DCLK2: variants seen among roughly 807,000 people sequenced by gnomAD.
DCLK2 encodes the protein doublecortin like kinase 2.
Under a neutral mutation model 78.4 loss-of-function variants are expected in DCLK2, and 31 were observed. The ratio of observed to expected loss-of-function variants is 0.40; its 90% CI spans 0.30 to 0.53. DCLK2 has a LOEUF of 0.53. DCLK2 is among the 20% of genes least tolerant of loss of function. DCLK2 has a pLI of 0.61. For synonymous variants in DCLK2, 407 were observed against 374.9 expected (o/e 1.09, Z -0.99); for missense variants, 872 against 973.7 (o/e 0.90, Z 1.39).
intron 5 of DCLK2, among the ~76,000 whole-genome samples, chr4:150,216,593 TG>T (rs1412231069): frequency 6.6e-6 from 1 of 152,112 alleles, no homozygotes; most frequent in African/African-American, 2.4e-5. Context: ...GAGCCGAGAT[TG>T]TGCCGCTACA....
intron 2 of DCLK2, among the ~76,000 whole-genome samples, chr4:150,108,959 G>A (rs571295582): frequency 2.0e-5 from 3 of 152,190 alleles, no homozygotes; most frequent in Middle Eastern, 3.4e-3. Flanking sequence ...CACATGCAGC[G>A]GGTCCTCTTT....
chr4:150,104,527 A>AG (rs1479423721), intron 2 of DCLK2, among the ~76,000 whole-genome samples: 1 of 151,918 alleles, frequency 6.6e-6, no homozygotes, highest in Non-Finnish European at 1.5e-5. Context: ...AGATGTAAAA[A>AG]TGTTAACTAA....
intron 15 of DCLK2, chr4:150,253,606 C>T (rs1744344400): frequency 7.8e-7 from 1 of 1,287,120 alleles, no homozygotes; most frequent in Admixed American, 2.3e-5. Context: ...CAGCCCCTCT[C>T]ACGCCTGCAT....
intron 5 of DCLK2, chr4:150,209,811 C>G (rs753167034): frequency 1.3e-5 from 2 of 152,454 alleles, no homozygotes; most frequent in Non-Finnish European, 2.9e-5. Flanking sequence ...TGCGGTGGCT[C>G]ATGCCTGTGA....
intron 2 of DCLK2, among the ~76,000 whole-genome samples, chr4:150,175,951 C>G (rs1161039694): frequency 2.6e-5 from 4 of 152,232 alleles, no homozygotes; most frequent in Non-Finnish European, 4.4e-5. Flanking sequence ...TCCCATTTAT[C>G]TTTGCCTGTG....
At chr4:150,162,335 T>C (rs1376784552) in intron 2 of DCLK2, among the ~76,000 whole-genome samples, 1 of 152,126 alleles carries the variant, frequency 6.6e-6, no homozygotes, top group Non-Finnish European at 1.5e-5. Flanking sequence ...TCCAGCCTGA[T>C]TTATTTTTAA....
At chr4:150,127,776 G>A (rs368888989) in intron 2 of DCLK2, among the ~76,000 whole-genome samples, 5 of 152,230 alleles carry the variant, frequency 3.3e-5, no homozygotes, top group Non-Finnish European at 5.9e-5. Context: ...CTCTTTCAGC[G>A]TGTTTGGCAT....
chr4:150,085,510 G>T (rs1580468913), intron 1 of DCLK2, among the ~76,000 whole-genome samples: 1 of 152,066 alleles, frequency 6.6e-6, no homozygotes, highest in South Asian at 2.1e-4. Context: ...ATTCTTGAGG[G>T]TGGTGCCCTC....
At chr4:150,099,323 G>T (rs62339911) in intron 1 of DCLK2, among the ~76,000 whole-genome samples, 58,126 of 151,758 alleles carry the variant, frequency 0.38, 11,345 homozygotes, top group Non-Finnish European at 0.42. Context: ...CCTCCCAAAG[G>T]GCTGGGATTA....
At chr4:150,094,606 AC>A (rs1321773238) in intron 1 of DCLK2, among the ~76,000 whole-genome samples, 1 of 152,210 alleles carries the variant, frequency 6.6e-6, no homozygotes, top group Non-Finnish European at 1.5e-5. Flanking sequence ...CAGGAGCCTG[AC>A]CCTGAGCCTC....
chr4:150,185,924 C>T (rs114215153), intron 2 of DCLK2, among the ~76,000 whole-genome samples: 4,478 of 152,196 alleles, frequency 0.029, 104 homozygotes, highest in Non-Finnish European at 0.043. Flanking sequence ...AAGTCGCCCT[C>T]ATTCATTTGG....
chr4:150,251,583 C>A (rs1364610360), intron 15 of DCLK2, among the ~76,000 whole-genome samples: 2 of 23,848 alleles, frequency 8.4e-5, no homozygotes, highest in Non-Finnish European at 1.6e-4. Context: ...CCACATAGCC[C>A]ACACAGCCTA....
chr4:150,214,990 A>G (rs1443916240), intron 5 of DCLK2, among the ~76,000 whole-genome samples: 1 of 151,400 alleles, frequency 6.6e-6, no homozygotes, highest in African/African-American at 2.4e-5. Context: ...AATGTTTCTG[A>G]CTTGACACTT....
At chr4:150,174,606 G>A (rs1479879034) in intron 2 of DCLK2, among the ~76,000 whole-genome samples, 3 of 151,836 alleles carry the variant, frequency 2.0e-5, no homozygotes, top group Non-Finnish European at 4.4e-5. Flanking sequence ...GGCGGATCAC[G>A]AGGTCAGGAG....
At chr4:150,138,674 T>TTCTC (rs78658812) in intron 2 of DCLK2, among the ~76,000 whole-genome samples, 81,450 of 151,564 alleles carry the variant, frequency 0.54, 22,353 homozygotes, top group South Asian at 0.7. Flanking sequence ...GGGACTCTTA[T>TTCTC]TCTTTTTTTT....
At chr4:150,117,287 C>T (rs1219772370) in intron 2 of DCLK2, among the ~76,000 whole-genome samples, 2 of 152,158 alleles carry the variant, frequency 1.3e-5, no homozygotes, top group South Asian at 2.1e-4. Context: ...GCAGGTCTCT[C>T]GTAGGCAGTG....
At chr4:150,148,018 A>G (rs1734606303) in intron 2 of DCLK2, among the ~76,000 whole-genome samples, 1 of 152,208 alleles carries the variant, frequency 6.6e-6, no homozygotes, top group African/African-American at 2.4e-5. Context: ...CTCTTATTTT[A>G]GTGATAGTTT....
chr4:150,154,902 G>A (rs1368677695), intron 2 of DCLK2, among the ~76,000 whole-genome samples: 4 of 152,104 alleles, frequency 2.6e-5, no homozygotes, highest in Admixed American at 2.6e-4. Flanking sequence ...ATTTTTATAA[G>A]CAATACACAA....
At chr4:150,118,758 GGA>G (rs1161090811) in intron 2 of DCLK2, among the ~76,000 whole-genome samples, 1 of 152,046 alleles carries the variant, frequency 6.6e-6, no homozygotes, top group Non-Finnish European at 1.5e-5. Flanking sequence ...TAGCACTTTG[GGA>G]GGCTAAGGTG....
Sources: allele counts gnomAD v4.1 joint callset (sites outside exome capture counted in the v4.1 genomes callset), GRCh38; gene constraint gnomAD v4.1.1; transcripts MANE v1.5; gene names NCBI Gene and HGNC (gene_info 2026-07-23, HGNC 2026-07-21).